The following NT5E variants were observed in gnomAD, a reference collection of about 807,000 sequenced individuals.
NT5E encodes the protein 5'-nucleotidase ecto.
Under a neutral mutation model 55.1 loss-of-function variants are expected in NT5E, and 53 were observed. The observed-to-expected ratio is 0.96, with a 90% CI of 0.77 to 1.21. The LOEUF (loss-of-function observed/expected upper bound fraction) is 1.21. NT5E is among the 50% of genes most tolerant of loss of function. NT5E has a pLI of 0.00. For synonymous variants in NT5E, 270 were observed against 278.4 expected, an observed-to-expected ratio of 0.97 and a Z score of 0.30; for missense variants, 683 against 724.3, an observed-to-expected ratio of 0.94 and a Z score of 0.65.
chr6:85,495,108 G>T lies in NT5E; in HGVS notation c.*1104G>T, dbSNP rs2127726505. 6.6e-6 allele frequency: 1 copy of T among 152,326 alleles called. No individual in the cohort carries two copies. The highest frequency in any genetic ancestry group is 2.4e-5 in the African/African-American group (1 of 41,588). The allele number at this position is 152,326 out of a possible 1,614,324, so 9.4% of individuals were successfully genotyped here. A position where few individuals can be genotyped will look rare whatever the true frequency, so the allele number is the denominator to read the frequency against. ...CTACTCATACTACACACCCAGTTAT[G>T]GAATGTCCAGAGTTCTCGAAGAAAA... is the stretch of plus-strand genomic sequence containing the variant. On this transcript the variant is annotated 3_prime_UTR_variant, in exon 9 of 9. Transcript: ENST00000257770.
Position 85,485,110 on chromosome 6 carries a change from A to C in NT5E, c.752-125A>C, listed in dbSNP as rs553092354. ...CAGATAGGGCTCTGAAAGACTAGCT[A>C]TGTAGAGCAACAGATGGCAAATCAT... On this transcript the variant is annotated intron_variant, in intron 3 of 8. Transcript: ENST00000257770. The C allele has an allele frequency of 2.2e-3, 1,937 of 884,990 alleles. 6 individuals carry two copies. The highest frequency in any genetic ancestry group is 3.0e-3 in the Non-Finnish European group (1,655 of 548,672). 54.8% of individuals were successfully genotyped at this position (884,990 alleles called of 1,614,324 possible).
chr6:85,473,474 A>G (rs1769362267), intron 3 of NT5E, among the ~76,000 whole-genome samples: 1 of 152,188 alleles, frequency 6.6e-6, no homozygotes, highest in African/African-American at 2.4e-5. Context: ...CCTTGGACAC[A>G]CAGTGGGAGC....
intron 1 of NT5E, among the ~76,000 whole-genome samples, chr6:85,456,411 A>G (rs1211907255): frequency 1.3e-5 from 2 of 152,240 alleles, no homozygotes; most frequent in African/African-American, 4.8e-5. Context: ...GGTTGGGAAT[A>G]CAGGTGGCCC....
chr6:85,464,301 A>G (rs1769148142), intron 1 of NT5E, among the ~76,000 whole-genome samples: 3 of 152,044 alleles, frequency 2.0e-5, no homozygotes, highest in African/African-American at 7.3e-5. Flanking sequence ...ATGAAATCAG[A>G]TTTTCTGTAC....
intron 2 of NT5E, 41 bp from the exon 3 acceptor site, chr6:85,471,196 A>C (rs753665206): frequency 1.5e-6 from 2 of 1,359,760 alleles, no homozygotes; most frequent in Non-Finnish European, 2.0e-6. Flanking sequence ...ATATAATAAA[A>C]ATTGTTAATA....
Position 85,450,313 on chromosome 6 carries a change from G to A in NT5E, c.174G>A (p.Met58Ile). 1 of 1,603,680 alleles carries A rather than the reference G, an allele frequency of 6.2e-7. No homozygotes were observed. The highest frequency in any genetic ancestry group is 1.1e-5 in the South Asian group (1 of 88,976). Residue 58 changes from methionine to isoleucine, a missense_variant, in exon 1 of 9, where the codon ATG becomes ATA. Met to Ile is a conservative substitution (Grantham distance 10). Coordinates refer to ENST00000257770, the MANE Select transcript of NT5E (RefSeq NM_002526.4). This position sits in a 1 kb window ranked among gnomAD's most constrained non-coding sequence, Gnocchi z 4.0. ...SSKCVNASRC[M>I]GGVARLFTKV... is the part of the protein sequence containing the mutation. Reference sequence around the variant, plus strand: ...AGTGCGTCAACGCCAGCCGCTGCATGGGTGGCGTGGCTCGGCTCTTCACCA... The same window carrying A: ...AGTGCGTCAACGCCAGCCGCTGCATAGGTGGCGTGGCTCGGCTCTTCACCA...
At position 85,469,329 on chromosome 6, in the gene NT5E, G is replaced by C. The variant is rs184144335; in HGVS notation, c.563-1908G>C. The stretch of plus-strand genomic sequence containing the variant: ...GCAGCCATACCTTAAGCAAAAGATG[G>C]TAGCATACTCTCGACATTTAGTCAT... On this transcript the variant is annotated intron_variant, in intron 2 of 8. Coordinates refer to ENST00000257770, the MANE Select transcript of NT5E (RefSeq NM_002526.4). 2.0e-5 allele frequency among the ~76,000 whole-genome samples: 3 copies of C among 152,078 alleles called. No homozygotes were observed. In the East Asian group the frequency reaches 5.8e-4, roughly 29 times the overall value.
At chr6:85,477,642 T>G (rs1769462842) in intron 3 of NT5E, among the ~76,000 whole-genome samples, 1 of 152,218 alleles carries the variant, frequency 6.6e-6, no homozygotes, top group African/African-American at 2.4e-5. Context: ...ATTATTCATC[T>G]CTCCATTAAT....
intron 3 of NT5E, 117 bp downstream of exon 3, chr6:85,471,542 A>G: frequency 1.6e-6 from 1 of 624,498 alleles, no homozygotes. Context: ...TGTATATTAT[A>G]TGATCTATAA....
rs895518162 is a variant in NT5E, at chr6:85,485,185, C to T, written c.752-50C>T. The T allele has an allele frequency of 7.6e-6, 12 of 1,585,232 alleles. No homozygotes were observed. In the South Asian group the frequency reaches 1.1e-4, roughly 15 times the overall value. Reference sequence around the variant, plus strand: ...CAGTAGCCCGCTGGCCTACAGCCAGCCATGTATGTACAAGGGCTGACTTGA... The same window carrying T: ...CAGTAGCCCGCTGGCCTACAGCCAGTCATGTATGTACAAGGGCTGACTTGA... On this transcript the variant is annotated intron_variant, in intron 3 of 8. Coordinates refer to ENST00000257770, the MANE Select transcript of NT5E (RefSeq NM_002526.4).
At chr6:85,474,776 T>G (rs950089578) in intron 3 of NT5E, among the ~76,000 whole-genome samples, 2 of 152,014 alleles carry the variant, frequency 1.3e-5, no homozygotes, top group African/African-American at 4.8e-5. Context: ...CAAAAAAAAT[T>G]TTTAAAAATT....
chr6:85,450,305 C>A lies in NT5E; in HGVS notation c.166C>A (p.Arg56Ser). The change falls in exon 1 of 9, where the codon CGC becomes AGC. Residue 56 changes from arginine (R) to serine (S), a missense_variant. Coordinates refer to ENST00000257770, the MANE Select transcript of NT5E (RefSeq NM_002526.4). This position sits in a 1 kb window ranked among gnomAD's most constrained non-coding sequence, Gnocchi z 4.0. ...EDSSKCVNAS[R>S]CMGGVARLFT... Reference sequence around the variant, plus strand: ...CTCCAGCAAGTGCGTCAACGCCAGCCGCTGCATGGGTGGCGTGGCTCGGCT... The same window carrying A: ...CTCCAGCAAGTGCGTCAACGCCAGCAGCTGCATGGGTGGCGTGGCTCGGCT... The A allele has an allele frequency of 6.2e-7, 1 of 1,605,076 alleles. No homozygotes were observed. Among genetic ancestry groups the A allele is most frequent in the Non-Finnish European group, 8.5e-7 (1 of 1,176,782 alleles).
At chr6:85,466,136 T>C (rs1712351314) in intron 1 of NT5E, among the ~76,000 whole-genome samples, 1 of 152,064 alleles carries the variant, frequency 6.6e-6, no homozygotes, top group South Asian at 2.1e-4. Context: ...TGTCATGCTT[T>C]GTCAGTGGGG....
At position 85,494,205 on chromosome 6, in the gene NT5E, A is replaced by C; in HGVS notation, c.*201A>C. 1.7e-6 allele frequency: 1 copy of C among 599,790 alleles called. No individual in the cohort carries two copies. Among genetic ancestry groups the C allele is most frequent in the Non-Finnish European group, 2.9e-6 (1 of 341,086 alleles). The allele number at this position is 599,790 out of a possible 1,614,324, so 37.2% of individuals were successfully genotyped here. ...CTAGTGAGTTAGAAAAAAAATTAAC[A>C]TAGGGCCCTATAAGGAGAAAGCCAA... On this transcript the variant is annotated 3_prime_UTR_variant, in exon 9 of 9. Transcript: ENST00000257770.
chr6:85,454,631 C>G (rs1768953070), intron 1 of NT5E, among the ~76,000 whole-genome samples: 1 of 152,152 alleles, frequency 6.6e-6, no homozygotes, highest in Admixed American at 6.5e-5. Flanking sequence ...TCCATGGTAT[C>G]TTTCATTGAA....
chr6:85,467,791 T>C (rs1769224145), intron 2 of NT5E, among the ~76,000 whole-genome samples: 1 of 152,008 alleles, frequency 6.6e-6, no homozygotes, highest in Non-Finnish European at 1.5e-5. Flanking sequence ...TATATAGTGG[T>C]CTTATGATAT....
In NT5E at chr6:85,450,485, C is replaced by A; in HGVS notation, c.339+7C>A. ...CCTGCGCTACGATGCCATGGTAAGA[C>A]CCGAGCCCGCGCCCGGGATAGTAGT... On this transcript the variant is annotated splice_region_variant and intron_variant, in intron 1 of 8. Coordinates refer to ENST00000257770, the MANE Select transcript of NT5E (RefSeq NM_002526.4). The surrounding 1 kb of genome is among the most constrained non-coding windows in gnomAD (Gnocchi z 4.0). 1 of 1,580,300 alleles carries A rather than the reference C, an allele frequency of 6.3e-7. No homozygotes were observed. Among genetic ancestry groups the A allele is most frequent in the Admixed American group, 1.9e-5 (1 of 53,882 alleles).
chr6:85,472,138 C>T (rs1769323294), intron 3 of NT5E, among the ~76,000 whole-genome samples: 2 of 152,334 alleles, frequency 1.3e-5, no homozygotes, highest in South Asian at 4.1e-4. Context: ...CCACCTTGCA[C>T]TGCATAGATC....
In NT5E at chr6:85,494,066, G is replaced by T; in HGVS notation, c.*62G>T. The T allele has an allele frequency of 6.5e-6, 10 of 1,537,746 alleles. No individual in the cohort carries two copies. Among genetic ancestry groups the T allele is most frequent in the Non-Finnish European group, 9.0e-6 (10 of 1,114,928 alleles). Reference sequence around the variant, plus strand: ...ATTTTTTCAAGTGAGATTCAAATCTGCCTTTTAGGACCTGGCTTTGTGACA... The same window carrying T: ...ATTTTTTCAAGTGAGATTCAAATCTTCCTTTTAGGACCTGGCTTTGTGACA... On this transcript the variant is annotated 3_prime_UTR_variant, in exon 9 of 9. Coordinates refer to ENST00000257770, the MANE Select transcript of NT5E (RefSeq NM_002526.4).
Sources: gnomAD v4.1 joint callset for allele counts (sites outside exome capture counted in the v4.1 genomes callset) on GRCh38, gnomAD v4.1.1 for gene constraint, Gnocchi (gnomAD v3.1) non-coding constraint, MANE v1.5 for transcripts, NCBI Gene and HGNC (gene_info 2026-07-23, HGNC 2026-07-21) for gene names.